PCCA: variants seen among roughly 807,000 people sequenced by gnomAD.
PCCA encodes the protein propionyl-CoA carboxylase alpha chain, mitochondrial.
PCCA carries 74 observed loss-of-function variants against 101.3 expected under a neutral mutation model. The observed-to-expected ratio is 0.73, with a 90% CI of 0.61 to 0.89. The LOEUF (loss-of-function observed/expected upper bound fraction) is 0.89, where lower values mean the gene tolerates loss of function less well. PCCA is among the 40% of genes least tolerant of loss of function. The pLI is 0.00. For missense variants in PCCA, 891 were observed against 907.0 expected (o/e 0.98, Z 0.23); for synonymous variants, 294 against 313.6 (o/e 0.94, Z 0.66).
In PCCA at chr13:100,475,138, C is replaced by T. The variant is rs147245063; in HGVS notation, c.1899+25833C>T. On this transcript the variant is annotated intron_variant, in intron 21 of 23. Coordinates refer to ENST00000376285, the MANE Select transcript of PCCA (RefSeq NM_000282.4). ...TCACAGCTCATTGCAGCCTTGAACTCTTGGGCTCAAGTGGTCCTCCTGCTT... is the reference window on the plus strand; with the variant it reads ...TCACAGCTCATTGCAGCCTTGAACTTTTGGGCTCAAGTGGTCCTCCTGCTT... Among the ~76,000 whole-genome samples, 1,415 of 152,276 alleles carry T rather than the reference C, an allele frequency of 9.3e-3. 20 individuals carry two copies. The highest frequency in any genetic ancestry group is 0.031 in the African/African-American group (1,306 of 41,568).
At chr13:100,412,337 C>A (rs929151939) in intron 19 of PCCA, among the ~76,000 whole-genome samples, 3 of 152,136 alleles carry the variant, frequency 2.0e-5, no homozygotes, top group African/African-American at 4.8e-5. Flanking sequence ...AAAATGTATT[C>A]TTTACTGCTC....
intron 7 of PCCA, among the ~76,000 whole-genome samples, chr13:100,217,039 G>A (rs571627221): frequency 1.3e-5 from 2 of 151,956 alleles, no homozygotes; most frequent in Admixed American, 6.6e-5. Context: ...AACCTGGGAG[G>A]TGGAGGTTGC....
intron 6 of PCCA, among the ~76,000 whole-genome samples, chr13:100,187,616 T>A (rs1159588894): frequency 6.6e-6 from 1 of 152,248 alleles, no homozygotes; most frequent in Non-Finnish European, 1.5e-5. Flanking sequence ...TGACTAGTTA[T>A]GCCAACAATA....
intron 9 of PCCA, among the ~76,000 whole-genome samples, chr13:100,258,289 G>C (rs1044267297): frequency 1.3e-5 from 2 of 152,158 alleles, no homozygotes; most frequent in African/African-American, 4.8e-5. Context: ...CAAATTCAAG[G>C]GGAGGGGACT....
chr13:100,412,257 C>T (rs1159033022), intron 19 of PCCA, among the ~76,000 whole-genome samples: 4 of 152,196 alleles, frequency 2.6e-5, no homozygotes, highest in East Asian at 1.9e-4. Context: ...ACTCTGTTCA[C>T]ATTCACTAAG....
rs1207324508 is a variant in PCCA, at chr13:100,318,329, C to A, written c.1429+8421C>A. Among the ~76,000 whole-genome samples the A allele has an allele frequency of 2.0e-5, 3 of 151,442 alleles. No individual in the cohort carries two copies. In the East Asian group the frequency reaches 5.9e-4, roughly 30 times the overall value. ...TGCTTTTTGCAACAGTGAAATCTCT[C>A]TCTGTCTCTGTCTCTCTCTCTCTTT... On this transcript the variant is annotated intron_variant, in intron 16 of 23. Coordinates refer to ENST00000376285, the MANE Select transcript of PCCA (RefSeq NM_000282.4).
intron 20 of PCCA, among the ~76,000 whole-genome samples, chr13:100,432,945 T>C (rs1329148252): frequency 2.6e-5 from 4 of 152,246 alleles, no homozygotes; most frequent in Non-Finnish European, 2.9e-5. Flanking sequence ...TCAAGGTTCA[T>C]CCAGGTTATA....
chr13:100,261,073 C>T (rs1042784291), intron 9 of PCCA, among the ~76,000 whole-genome samples: 2 of 151,904 alleles, frequency 1.3e-5, no homozygotes, highest in African/African-American at 2.4e-5. Flanking sequence ...TAAATACAGA[C>T]ATTTAGTCTT....
At chr13:100,348,799 C>CTCT (rs747038503) in intron 18 of PCCA, among the ~76,000 whole-genome samples, 1 of 71,822 alleles carries the variant, frequency 1.4e-5, no homozygotes, top group African/African-American at 5.2e-5. Flanking sequence ...TTCCTTCCTT[C>CTCT]CTTCCTTCCT....
chr13:100,378,484 T>TG (rs1249077053), intron 19 of PCCA, among the ~76,000 whole-genome samples: 4 of 152,226 alleles, frequency 2.6e-5, no homozygotes, highest in Admixed American at 2.0e-4. Flanking sequence ...TCACTAGACT[T>TG]GGGGAGTTTT....
At chr13:100,157,156 G>A (rs2053970277) in intron 5 of PCCA, 131 bp from the exon 6 acceptor site, 2 of 648,826 alleles carry the variant, frequency 3.1e-6, no homozygotes, top group East Asian at 2.7e-5. Context: ...ACTGATCAGT[G>A]TATAAGAGAA....
intron 6 of PCCA, among the ~76,000 whole-genome samples, chr13:100,186,749 C>CAAAAAAAAAA (rs113247072): frequency 9.4e-6 from 1 of 106,266 alleles, no homozygotes; most frequent in Non-Finnish European, 2.1e-5. Flanking sequence ...AAAAAAAAAA[C>CAAAAAAAAAA]AAAAAAAAAA....
At position 100,302,971 on chromosome 13, in the gene PCCA, G is replaced by A. The variant is rs147839487; in HGVS notation, c.1257G>A (p.Gln419=). 552 of 1,605,404 alleles carry A rather than the reference G, an allele frequency of 3.4e-4. 3 individuals carry two copies. The African/African-American group carries it at 6.7e-3, about 19-fold the overall frequency. Reference sequence around the variant, plus strand: ...TACCATCTATTGGGAGATTGTCTCAGTACCAAGAACCGTTACATCTACCTG... The same window carrying A: ...TACCATCTATTGGGAGATTGTCTCAATACCAAGAACCGTTACATCTACCTG... ...FGLPSIGRLS[Q]YQEPLHLPGV... Residue 419 remains glutamine (Q), a synonymous_variant, in exon 14 of 24, where the codon CAG becomes CAA. Coordinates refer to ENST00000376285, the MANE Select transcript of PCCA (RefSeq NM_000282.4).
At chr13:100,117,250 T>C (rs1212853151) in intron 4 of PCCA, among the ~76,000 whole-genome samples, 2 of 152,200 alleles carry the variant, frequency 1.3e-5, no homozygotes, top group African/African-American at 2.4e-5. Context: ...TATATTTTTT[T>C]CTGAAGCATT....
At chr13:100,348,728 CTTTCTTTCTTT>C (rs1566975502) in intron 18 of PCCA, among the ~76,000 whole-genome samples, 48 of 65,218 alleles carry the variant, frequency 7.4e-4, no homozygotes, top group African/African-American at 3.8e-3. Flanking sequence ...GTTTTTTTTC[CTTTCTTTCTTT>C]CTTTCTTTCT....
intron 6 of PCCA, chr13:100,160,897 T>C (rs747613317): frequency 1.3e-5 from 2 of 152,212 alleles, no homozygotes; most frequent in African/African-American, 2.4e-5. Flanking sequence ...TCATTTCAGG[T>C]AACATAGCAT....
intron 18 of PCCA, among the ~76,000 whole-genome samples, chr13:100,342,477 AG>A (rs918514820): frequency 3.7e-4 from 56 of 151,926 alleles, no homozygotes; most frequent in Admixed American, 3.5e-3. Context: ...CATGTTGGCC[AG>A]GCTGGTCTTG....
intron 21 of PCCA, among the ~76,000 whole-genome samples, chr13:100,504,983 A>G (rs571291828): frequency 1.1e-4 from 16 of 152,306 alleles, no homozygotes; most frequent in African/African-American, 3.8e-4. Flanking sequence ...CACTGTTATG[A>G]TCCACAGTTC....
intron 20 of PCCA, among the ~76,000 whole-genome samples, chr13:100,446,427 A>T (rs186922542): frequency 3.5e-4 from 53 of 152,324 alleles, no homozygotes; most frequent in African/African-American, 1.2e-3. Context: ...CTGTCCTCTT[A>T]TCCCATAATA....
Sources: gnomAD v4.1 joint callset for allele counts (sites outside exome capture counted in the v4.1 genomes callset) on GRCh38, gnomAD v4.1.1 for gene constraint, MANE v1.5 for transcripts, NCBI Gene and HGNC (gene_info 2026-07-23, HGNC 2026-07-21) for gene names.